The following FGF14 variants were observed in gnomAD, a reference collection of about 807,000 sequenced individuals.
The protein encoded by FGF14 is fibroblast growth factor homologous factor 4.
FGF14 carries 5 observed loss-of-function variants against 25.5 expected under a neutral mutation model. That is an observed-to-expected ratio of 0.20 (90% confidence interval 0.10 to 0.41). FGF14 has a LOEUF of 0.41. Ranked by LOEUF, FGF14 falls within the 10% of genes least tolerant of loss-of-function variation. The pLI, the probability that FGF14 is intolerant of heterozygous loss-of-function variation, is 1.00. For missense variants in FGF14, 222 were observed against 320.1 expected (o/e 0.69, Z 2.34); for synonymous variants, 138 against 118.3 (o/e 1.17, Z -1.08).
At chr13:101,996,158 T>C (rs2039171716) in intron 1 of FGF14, among the ~76,000 whole-genome samples, 2 of 152,084 alleles carry the variant, frequency 1.3e-5, no homozygotes, top group South Asian at 2.1e-4. Flanking sequence ...ATATTAAAAA[T>C]AAAAATAAAT....
At chr13:102,169,335 T>C (rs1258656197) in intron 1 of FGF14, among the ~76,000 whole-genome samples, 1 of 152,038 alleles carries the variant, frequency 6.6e-6, no homozygotes, top group Non-Finnish European at 1.5e-5. Flanking sequence ...CACCTGGTTA[T>C]CCCCCGTGGT....
intron 1 of FGF14, among the ~76,000 whole-genome samples, chr13:102,059,408 A>G (rs1248116723): frequency 1.3e-5 from 2 of 152,224 alleles, no homozygotes; most frequent in African/African-American, 4.8e-5. Context: ...AAAGGAAAAC[A>G]CTGTGGCTCA....
At chr13:102,200,164 A>T (rs1185014891) in intron 1 of FGF14, among the ~76,000 whole-genome samples, 1 of 152,154 alleles carries the variant, frequency 6.6e-6, no homozygotes, top group African/African-American at 2.4e-5. Flanking sequence ...CACACACACA[A>T]ATATATGTAT....
chr13:102,333,460 T>G (rs530842732), intron 1 of FGF14, among the ~76,000 whole-genome samples: 1 of 152,330 alleles, frequency 6.6e-6, no homozygotes, highest in Non-Finnish European at 1.5e-5. Context: ...TGTCATTGGT[T>G]CTAAACTGAG....
intron 1 of FGF14, among the ~76,000 whole-genome samples, chr13:102,229,909 A>G (rs1044229329): frequency 3.3e-5 from 5 of 152,164 alleles, no homozygotes; most frequent in African/African-American, 1.2e-4. Flanking sequence ...CTCAAACTGA[A>G]CAGCCTTCTG....
intron 1 of FGF14, among the ~76,000 whole-genome samples, chr13:102,246,758 A>G (rs1207082358): frequency 1.3e-5 from 2 of 151,268 alleles, no homozygotes; most frequent in Non-Finnish European, 3.0e-5. Flanking sequence ...GAACATATAT[A>G]TATATATATA....
At chr13:101,933,262 GTCTAAC>G (rs1180495218) in intron 1 of FGF14, among the ~76,000 whole-genome samples, 3 of 152,128 alleles carry the variant, frequency 2.0e-5, no homozygotes, top group East Asian at 1.9e-4. Context: ...GACATTCTGT[GTCTAAC>G]TCTAACTCCC....
At chr13:102,118,884 A>G (rs2140353659) in intron 1 of FGF14, among the ~76,000 whole-genome samples, 1 of 152,322 alleles carries the variant, frequency 6.6e-6, no homozygotes, top group Non-Finnish European at 1.5e-5. Flanking sequence ...TTACTCTGAA[A>G]AAAATGGTGG....
chr13:101,747,908 A>G (rs970128311), intron 3 of FGF14, among the ~76,000 whole-genome samples: 6 of 152,112 alleles, frequency 3.9e-5, no homozygotes, highest in Non-Finnish European at 7.4e-5. Context: ...AATTAAAACC[A>G]CAATGAGATA....
At chr13:102,172,720 T>G (rs184848795) in intron 1 of FGF14, among the ~76,000 whole-genome samples, 298 of 152,228 alleles carry the variant, frequency 2.0e-3, no homozygotes, top group African/African-American at 7.0e-3. Context: ...GCATTAGCCT[T>G]AAAGGCCCTT....
intron 1 of FGF14, among the ~76,000 whole-genome samples, chr13:101,969,509 A>G (rs1057153441): frequency 1.6e-4 from 25 of 152,198 alleles, no homozygotes; most frequent in Admixed American, 1.6e-3. Flanking sequence ...TCTAAACATT[A>G]TATTTCAATC....
intron 1 of FGF14, among the ~76,000 whole-genome samples, chr13:101,914,550 G>C (rs2033280248): frequency 6.6e-6 from 1 of 152,140 alleles, no homozygotes; most frequent in East Asian, 1.9e-4. Flanking sequence ...CAACAGAGCA[G>C]TCAGGGTTGA....
chr13:102,087,905 A>C (rs1401884244), intron 1 of FGF14, among the ~76,000 whole-genome samples: 7 of 152,150 alleles, frequency 4.6e-5, no homozygotes, highest in Non-Finnish European at 2.9e-5. Context: ...AAATTCCAGA[A>C]ATAAGTATAG....
chr13:101,860,856 A>G (rs1450433257), intron 3 of FGF14, among the ~76,000 whole-genome samples: 1 of 152,084 alleles, frequency 6.6e-6, no homozygotes, highest in East Asian at 1.9e-4. Flanking sequence ...AGTCTTATAA[A>G]TATTGATGTT....
chr13:101,728,981 T>G (rs1276001386), intron 3 of FGF14, among the ~76,000 whole-genome samples: 2 of 152,020 alleles, frequency 1.3e-5, no homozygotes, highest in Non-Finnish European at 2.9e-5. Context: ...TTCACTGTGT[T>G]GAATATGGAA....
intron 3 of FGF14, among the ~76,000 whole-genome samples, chr13:101,862,377 C>T (rs908711972): frequency 3.3e-5 from 5 of 151,524 alleles, no homozygotes; most frequent in Non-Finnish European, 5.9e-5. Flanking sequence ...TTCTTAGGCT[C>T]TCAGTATCTT....
At chr13:101,939,506 A>G (rs2035306694) in intron 1 of FGF14, among the ~76,000 whole-genome samples, 1 of 152,136 alleles carries the variant, frequency 6.6e-6, no homozygotes, top group Non-Finnish European at 1.5e-5. Flanking sequence ...CTCCTACCTT[A>G]AGTAAGGTTG....
chr13:102,330,727 C>T (rs1243950464), intron 1 of FGF14, among the ~76,000 whole-genome samples: 2 of 152,162 alleles, frequency 1.3e-5, no homozygotes, highest in African/African-American at 2.4e-5. Flanking sequence ...GCAAGCTCCA[C>T]ACCCCTGATC....
chr13:102,383,799 G>A (rs985266918), intron 1 of FGF14, among the ~76,000 whole-genome samples: 2 of 149,826 alleles, frequency 1.3e-5, no homozygotes, highest in Admixed American at 6.6e-5. Flanking sequence ...TCTGATTCAT[G>A]TATCACCCAT....
Sources: gnomAD v4.1 joint callset for allele counts (sites outside exome capture counted in the v4.1 genomes callset) on GRCh38, gnomAD v4.1.1 for gene constraint, MANE v1.5 for transcripts, NCBI Gene and HGNC (gene_info 2026-07-23, HGNC 2026-07-21) for gene names.